Variants in CFAP299 observed in about 807,000 individuals in gnomAD.
CFAP299 encodes the protein cilia- and flagella-associated protein 299.
A neutral mutation model predicts 27.0 loss-of-function variants in CFAP299; 21 were observed. That is an observed-to-expected ratio of 0.78 (90% confidence interval 0.55 to 1.12). The LOEUF (loss-of-function observed/expected upper bound fraction) is 1.12. Ranked by LOEUF, CFAP299 falls within the 50% of genes most tolerant of loss-of-function variation. The pLI is 0.00. For missense variants in CFAP299, 310 were observed against 276.6 expected, an observed-to-expected ratio of 1.12 and a Z score of -0.86; for synonymous variants, 104 against 98.1, an observed-to-expected ratio of 1.06 and a Z score of -0.36.
At chr4:80,711,556 C>T (rs994750797) in intron 3 of CFAP299, among the ~76,000 whole-genome samples, 1 of 152,030 alleles carries the variant, frequency 6.6e-6, no homozygotes, top group East Asian at 1.9e-4. Context: ...AGGTAGATAA[C>T]ATTATATTTA....
intron 3 of CFAP299, among the ~76,000 whole-genome samples, chr4:80,729,592 C>CTTTTTTTTTTTTTTTT (rs34745276): frequency 1.6e-5 from 1 of 64,318 alleles, no homozygotes; most frequent in Non-Finnish European, 2.8e-5. Context: ...GCTTCAGCAT[C>CTTTTTTTTTTTTTTTT]TTTTTTTTTT....
intron 4 of CFAP299, among the ~76,000 whole-genome samples, chr4:80,880,144 A>T (rs1419193548): frequency 6.6e-6 from 1 of 151,918 alleles, no homozygotes; most frequent in East Asian, 1.9e-4. Flanking sequence ...AGCGGGGAGA[A>T]AGGGGGGGAG....
At chr4:80,342,040 G>A (rs967638191) in intron 1 of CFAP299, among the ~76,000 whole-genome samples, 1 of 152,174 alleles carries the variant, frequency 6.6e-6, no homozygotes, top group Non-Finnish European at 1.5e-5. Flanking sequence ...ATCAATAGCA[G>A]AATAGACCAA....
intron 2 of CFAP299, among the ~76,000 whole-genome samples, 199 bp from the exon 3 acceptor site, chr4:80,582,894 C>G (rs1369995071): frequency 6.6e-6 from 1 of 151,644 alleles, no homozygotes; most frequent in Admixed American, 6.6e-5. Context: ...TATTTAAAGG[C>G]TTGATTCCAA....
chr4:80,730,210 T>C (rs938180815), intron 3 of CFAP299, among the ~76,000 whole-genome samples: 1 of 151,062 alleles, frequency 6.6e-6, no homozygotes, highest in Non-Finnish European at 1.5e-5. Context: ...CCTGCCTGTG[T>C]ACTCTGAAGG....
At chr4:80,714,734 C>T (rs1169647465) in intron 3 of CFAP299, among the ~76,000 whole-genome samples, 1 of 151,894 alleles carries the variant, frequency 6.6e-6, no homozygotes, top group Non-Finnish European at 1.5e-5. Context: ...TTGGAAACTA[C>T]AAAAGTTGTT....
Position 80,905,841 on chromosome 4 carries a change from G to A in CFAP299, c.476+35706G>A, listed in dbSNP as rs149602729. ...CCACTGAGCTCCTCCCATGACGTGG[G>A]GATTATGGGAACTACAATTCAAGAT... On this transcript the variant is annotated intron_variant, in intron 4 of 5. Coordinates refer to ENST00000358105, the MANE Select transcript of CFAP299 (RefSeq NM_152770.3). 2.0e-5 allele frequency among the ~76,000 whole-genome samples: 3 copies of A among 152,224 alleles called. No homozygotes were observed. In the East Asian group the frequency reaches 5.8e-4, roughly 29 times the overall value.
intron 3 of CFAP299, among the ~76,000 whole-genome samples, chr4:80,692,328 T>A (rs1720770622): frequency 6.6e-6 from 1 of 152,098 alleles, no homozygotes; most frequent in Admixed American, 6.5e-5. Context: ...AACAGCATGG[T>A]ACTGGTACCA....
chr4:80,475,402 G>A (rs1405848966), intron 2 of CFAP299, among the ~76,000 whole-genome samples: 1 of 152,138 alleles, frequency 6.6e-6, no homozygotes, highest in African/African-American at 2.4e-5. Context: ...GTGACAGGAT[G>A]AGGAATGATT....
chr4:80,877,011 G>A (rs1733414642), intron 4 of CFAP299, among the ~76,000 whole-genome samples: 1 of 152,130 alleles, frequency 6.6e-6, no homozygotes, highest in African/African-American at 2.4e-5. Context: ...TTCAGTCACT[G>A]TGAGTAAGAA....
At chr4:80,465,731 C>A (rs563642768) in intron 2 of CFAP299, among the ~76,000 whole-genome samples, 41 of 152,278 alleles carry the variant, frequency 2.7e-4, no homozygotes, top group Admixed American at 5.2e-4. Flanking sequence ...ACCAAACAGA[C>A]CAAACACACA....
chr4:80,889,705 T>C (rs538590574), intron 4 of CFAP299, among the ~76,000 whole-genome samples: 45 of 152,092 alleles, frequency 3.0e-4, no homozygotes, highest in African/African-American at 1.1e-3. Flanking sequence ...CTCTGATGAA[T>C]ATAAATACAA....
intron 2 of CFAP299, among the ~76,000 whole-genome samples, chr4:80,535,494 C>CA (rs143122836): frequency 0.071 from 2,362 of 33,208 alleles, 702 homozygotes; most frequent in Non-Finnish European, 0.11. Context: ...GACTCCGTCT[C>CA]AAAAAAAAAA....
rs1223195132 is a variant in CFAP299 at position 80,669,580 on chromosome 4, T to TG, written c.333+86397_333+86398insG. 3.9e-5 allele frequency among the ~76,000 whole-genome samples: 6 copies of TG among 152,226 alleles called. No homozygotes were observed. In the East Asian group the frequency reaches 1.2e-3, roughly 29 times the overall value. On this transcript the variant is annotated intron_variant, in intron 3 of 5. Coordinates refer to ENST00000358105, the MANE Select transcript of CFAP299 (RefSeq NM_152770.3). The stretch of plus-strand genomic sequence containing the variant: ...ATCAGTTCTAACAGTTTTTCTTTTT[T>TG]TTTTTTTTGGTAGAGTCTTTAGGTT...
chr4:80,891,846 AAAAG>A (rs1734319544), intron 4 of CFAP299, among the ~76,000 whole-genome samples: 2 of 145,868 alleles, frequency 1.4e-5, no homozygotes, highest in Non-Finnish European at 1.5e-5. Flanking sequence ...AAAAAAAAAA[AAAAG>A]AAATTGCAGA....
intron 2 of CFAP299, chr4:80,386,401 C>T (rs1724996688): frequency 9.8e-6 from 15 of 1,537,616 alleles, no homozygotes; most frequent in Non-Finnish European, 1.2e-5. Flanking sequence ...ACCAGACCAG[C>T]CCCTGTGTCC....
chr4:80,806,577 T>C (rs914035413), intron 3 of CFAP299, among the ~76,000 whole-genome samples: 3 of 152,216 alleles, frequency 2.0e-5, no homozygotes, highest in African/African-American at 7.2e-5. Context: ...CCCTGCCCTA[T>C]TGAATTCAAT....
At chr4:80,731,280 C>T (rs147053661) in intron 3 of CFAP299, among the ~76,000 whole-genome samples, 10 of 152,150 alleles carry the variant, frequency 6.6e-5, no homozygotes, top group Non-Finnish European at 1.2e-4. Context: ...TGCTAAAATA[C>T]GTGTTAACTT....
chr4:80,434,080 A>AT (rs1361440008), intron 2 of CFAP299, among the ~76,000 whole-genome samples: 1 of 152,180 alleles, frequency 6.6e-6, no homozygotes, highest in African/African-American at 2.4e-5. Flanking sequence ...GTAAATTTAC[A>AT]TTTATTTATA....
Sources: gnomAD v4.1 joint callset for allele counts (sites outside exome capture counted in the v4.1 genomes callset) on GRCh38, gnomAD v4.1.1 for gene constraint, MANE v1.5 for transcripts, NCBI Gene and HGNC (gene_info 2026-07-23, HGNC 2026-07-21) for gene names.